Variants in CNTN2 observed in about 807,000 individuals in gnomAD.
CNTN2 encodes the protein contactin-2.
Under a neutral mutation model 117.5 loss-of-function variants are expected in CNTN2, and 53 were observed. That is an observed-to-expected ratio of 0.45 (90% CI 0.36 to 0.57). The LOEUF (loss-of-function observed/expected upper bound fraction) is 0.57, where lower values mean the gene tolerates loss of function less well. Ranked by LOEUF, CNTN2 falls within the 20% of genes least tolerant of loss-of-function variation. The probability of loss-of-function intolerance (pLI) is 0.00; values close to 1 mark genes in which losing one functional copy is unlikely to be tolerated. For missense variants in CNTN2, 1,106 were observed against 1,404.3 expected (o/e 0.79, Z 3.39); for synonymous variants, 530 against 561.7 (o/e 0.94, Z 0.80).
At chr1:205,063,322 A>T (rs1484378754) in intron 10 of CNTN2, 2 of 152,232 alleles carry the variant, frequency 1.3e-5, no homozygotes, top group Non-Finnish European at 2.9e-5. Context: ...CTAGCCATCA[A>T]ATATAGTATA....
chr1:205,073,289 A>G lies in CNTN2; in HGVS notation c.3013+53A>G. ...CTCGAGAGATTCAGGATCCACCCAG[A>G]TACCTGAGAGGATCATTCCCACCCA... On this transcript the variant is annotated intron_variant, in intron 22 of 22. Coordinates refer to ENST00000331830, the MANE Select transcript of CNTN2 (RefSeq NM_005076.5). The surrounding 1 kb of genome is among the most constrained non-coding windows in gnomAD (Gnocchi z 6.3). The G allele has an allele frequency of 1.3e-6, 2 of 1,583,764 alleles. No homozygotes were observed. The highest frequency in any genetic ancestry group is 1.1e-5 in the South Asian group (1 of 88,456).
rs368514157 is a variant in CNTN2 at position 205,065,227 on chromosome 1, G to C, written c.1660G>C (p.Asp554His). The C allele has an allele frequency of 4.6e-5, 74 of 1,614,006 alleles. No individual in the cohort carries two copies. The highest frequency in any genetic ancestry group is 6.1e-5 in the Non-Finnish European group (72 of 1,180,038). Residue 554 changes from aspartate (D) to histidine (H), a missense_variant, in exon 13 of 23, where the codon GAT (aspartate) becomes CAT (histidine). By Grantham distance (81) the Asp-to-His change is moderately conservative. Coordinates refer to ENST00000331830, the MANE Select transcript of CNTN2 (RefSeq NM_005076.5). This position sits in a 1 kb window ranked among gnomAD's most constrained non-coding sequence, Gnocchi z 4.1. Reference sequence around the variant, plus strand: ...CCTGGACGACTTCCCCATCGACTTTGATAAGCCTGGAGGGCACTACCGGAG... The same window carrying C: ...CCTGGACGACTTCCCCATCGACTTTCATAAGCCTGGAGGGCACTACCGGAG... Reference protein sequence around the residue: ...WTLDDFPIDFDKPGGHYRRTN... With the variant: ...WTLDDFPIDFHKPGGHYRRTN...
chr1:205,066,290 C>T lies in CNTN2; in HGVS notation c.1817-151C>T. On this transcript the variant is annotated intron_variant, in intron 14 of 22. Coordinates refer to ENST00000331830, the MANE Select transcript of CNTN2 (RefSeq NM_005076.5). ...GGCACCCGCCCCAACTGCCCACACCCCTTGCCCGCCCTCCCGCCTGGGTGT... is the reference window on the plus strand; with the variant it reads ...GGCACCCGCCCCAACTGCCCACACCTCTTGCCCGCCCTCCCGCCTGGGTGT... 3 of 897,228 alleles carry T rather than the reference C, an allele frequency of 3.3e-6. No homozygotes were observed. In the South Asian group the frequency reaches 5.2e-5, roughly 16 times the overall value. The allele number at this position is 897,228 out of a possible 1,614,324, so 55.6% of individuals were successfully genotyped here. A position where few individuals can be genotyped will look rare whatever the true frequency, so the allele number is the denominator to read the frequency against.
chr1:205,065,711 T>G lies in CNTN2; in HGVS notation c.1696-78T>G. On this transcript the variant is annotated intron_variant, in intron 13 of 22. Transcript: ENST00000331830. The surrounding 1 kb of genome is among the most constrained non-coding windows in gnomAD (Gnocchi z 4.1). ...CATGGAGTAGGGGACTCCCAAGCGC[T>G]GCCTCATGTCTCATGGCCTGCTGCA... is the stretch of plus-strand genomic sequence containing the variant. 1 of 557,926 alleles carries G rather than the reference T, an allele frequency of 1.8e-6. No homozygotes were observed. 34.6% of individuals were successfully genotyped at this position (557,926 alleles called of 1,614,324 possible).
In CNTN2 at chr1:205,058,909, C is replaced by T. The variant is rs1041289520; in HGVS notation, c.488-175C>T. 3.4e-5 allele frequency: 24 copies of T among 703,630 alleles called. No homozygotes were observed. Among genetic ancestry groups the T allele is most frequent in the Non-Finnish European group, 5.7e-5 (24 of 423,816 alleles). 43.6% of individuals were successfully genotyped at this position (703,630 alleles called of 1,614,324 possible). ...GCGATCCCTGGCAGACTTAGCGCTC[C>T]CTGAGGGCAGGAATAAAGTCACTTC... On this transcript the variant is annotated intron_variant, in intron 5 of 22. Coordinates refer to ENST00000331830, the MANE Select transcript of CNTN2 (RefSeq NM_005076.5). This position sits in a 1 kb window ranked among gnomAD's most constrained non-coding sequence, Gnocchi z 4.3.
Position 205,059,373 on chromosome 1 carries a change from G to C in CNTN2, c.697+80G>C. On this transcript the variant is annotated intron_variant, in intron 6 of 22. Transcript: ENST00000331830. The surrounding 1 kb of genome is among the most constrained non-coding windows in gnomAD (Gnocchi z 5.6). ...TTAGGAAAAGGGTTTTTCCTTTGGA[G>C]ATTGGAAGATCAGCTTGCAGGGCAC... 1 of 1,411,548 alleles carries C rather than the reference G, an allele frequency of 7.1e-7. No individual in the cohort carries two copies. The highest frequency in any genetic ancestry group is 9.8e-7 in the Non-Finnish European group (1 of 1,021,484). 87.4% of individuals were successfully genotyped at this position (1,411,548 alleles called of 1,614,324 possible).
chr1:205,066,269 C>T, intron 14 of CNTN2, 172 bp from the exon 15 acceptor site: 1 of 726,004 alleles, frequency 1.4e-6, no homozygotes, highest in Non-Finnish European at 2.2e-6. Context: ...ACAACTGGCA[C>T]CCGCCCCAAC....
In CNTN2 at chr1:205,064,489, A is replaced by G. The variant is rs771905758; in HGVS notation, c.1391+17A>G. ...CAGCAGCAGGTACCACCCACACCCC[A>G]CCCTGCACAGTTCCTGCTCCTCCTC... On this transcript the variant is annotated intron_variant, in intron 11 of 22. Coordinates refer to ENST00000331830, the MANE Select transcript of CNTN2 (RefSeq NM_005076.5). 5 of 1,598,214 alleles carry G rather than the reference A, an allele frequency of 3.1e-6. No individual in the cohort carries two copies. In the African/African-American group the frequency reaches 6.7e-5, roughly 21 times the overall value.
At position 205,076,062 on chromosome 1, in the gene CNTN2, G is replaced by A. The variant is rs1654849983; in HGVS notation, c.*2297G>A. 2 of 152,178 alleles carry A rather than the reference G, an allele frequency of 1.3e-5. No homozygotes were observed. The highest frequency in any genetic ancestry group is 4.8e-5 in the African/African-American group (2 of 41,428). The allele number at this position is 152,178 out of a possible 1,614,324, so 9.4% of individuals were successfully genotyped here. On this transcript the variant is annotated 3_prime_UTR_variant, in exon 23 of 23. Transcript: ENST00000331830. ...GCTAGAGGCTACAGCCACTAAACTT[G>A]CTTCAGGCCAACGATAGTTACTCAC...
chr1:205,074,838 G>C lies in CNTN2; in HGVS notation c.*1073G>C. 2.5e-6 allele frequency: 1 copy of C among 398,640 alleles called. No homozygotes were observed. The allele number at this position is 398,640 out of a possible 1,614,324, so 24.7% of individuals were successfully genotyped here. A position where few individuals can be genotyped will look rare whatever the true frequency, so the allele number is the denominator to read the frequency against. ...TCTGGGAAGGGCAGAGGATAAATGT[G>C]GCCCTGCCTGCTCCCAGGTATACCT... On this transcript the variant is annotated 3_prime_UTR_variant, in exon 23 of 23. Transcript: ENST00000331830.
At chr1:205,046,395 G>T (rs1463221044) in intron 1 of CNTN2, among the ~76,000 whole-genome samples, 1 of 152,150 alleles carries the variant, frequency 6.6e-6, no homozygotes, top group Non-Finnish European at 1.5e-5. Context: ...AGTCAAACCT[G>T]CTGGGCTTCC....
At position 205,059,922 on chromosome 1, in the gene CNTN2, A is replaced by G; in HGVS notation, c.797+240A>G. 1 of 533,414 alleles carries G rather than the reference A, an allele frequency of 1.9e-6. No individual in the cohort carries two copies. The highest frequency in any genetic ancestry group is 2.1e-5 in the South Asian group (1 of 46,830). The allele number at this position is 533,414 out of a possible 1,614,324, so 33.0% of individuals were successfully genotyped here. On this transcript the variant is annotated intron_variant, in intron 7 of 22. Coordinates refer to ENST00000331830, the MANE Select transcript of CNTN2 (RefSeq NM_005076.5). This position sits in a 1 kb window ranked among gnomAD's most constrained non-coding sequence, Gnocchi z 5.6. ...ACTTGGTCTTCCAGCAGTGCATGGCAGGCTCAGACAGCTTGAGTAACACCC... is the reference window on the plus strand; with the variant it reads ...ACTTGGTCTTCCAGCAGTGCATGGCGGGCTCAGACAGCTTGAGTAACACCC...
Position 205,059,814 on chromosome 1 carries a change from A to G in CNTN2, c.797+132A>G. On this transcript the variant is annotated intron_variant, in intron 7 of 22. Transcript: ENST00000331830. This position sits in a 1 kb window ranked among gnomAD's most constrained non-coding sequence, Gnocchi z 5.6. ...GGGTCTAGCAAAGTACTGGGCACAC[A>G]GTGGGTATCGACCACCACTCACTGG... 1.4e-6 allele frequency: 1 copy of G among 702,992 alleles called. No homozygotes were observed. The highest frequency in any genetic ancestry group is 2.5e-6 in the Non-Finnish European group (1 of 401,798). 43.5% of individuals were successfully genotyped at this position (702,992 alleles called of 1,614,324 possible).
At chr1:205,070,201 C>A in intron 18 of CNTN2, 140 bp downstream of exon 18, 1 of 847,882 alleles carries the variant, frequency 1.2e-6, no homozygotes, top group Non-Finnish European at 1.9e-6. Flanking sequence ...ACATCATTGG[C>A]CTCACTTCCA....
At chr1:205,049,281 G>A (rs3767285) in intron 1 of CNTN2, among the ~76,000 whole-genome samples, 6,929 of 120,874 alleles carry the variant, frequency 0.057, 491 homozygotes, top group South Asian at 0.18. Flanking sequence ...CCTCACACCC[G>A]ACACACACAC....
In CNTN2 at chr1:205,061,837, C is replaced by T; in HGVS notation, c.974-28C>T. ...AGCTGGAAGCTCCTCCTAGCTCATG[C>T]CAGGTTTTCTTTTCCGGGCTCCCAC... On this transcript the variant is annotated intron_variant, in intron 8 of 22. Coordinates refer to ENST00000331830, the MANE Select transcript of CNTN2 (RefSeq NM_005076.5). This position sits in a 1 kb window ranked among gnomAD's most constrained non-coding sequence, Gnocchi z 4.8. The T allele has an allele frequency of 6.7e-7, 1 of 1,503,152 alleles. No individual in the cohort carries two copies. 93.1% of individuals were successfully genotyped at this position (1,503,152 alleles called of 1,614,324 possible). A position where few individuals can be genotyped will look rare whatever the true frequency, so the allele number is the denominator to read the frequency against.
At chr1:205,070,224 T>G (rs1654521232) in intron 18 of CNTN2, 163 bp downstream of exon 18, 1 of 773,470 alleles carries the variant, frequency 1.3e-6, no homozygotes, top group African/African-American at 1.7e-5. Context: ...TCTTGCTACC[T>G]TGTCTCCCTT....
chr1:205,053,035 G>C, intron 1 of CNTN2, 65 bp from the exon 2 acceptor site: 1 of 497,030 alleles, frequency 2.0e-6, no homozygotes, highest in Non-Finnish European at 3.6e-6. Context: ...TACGGACCCA[G>C]ATGTGCCTGG....
Position 205,073,971 on chromosome 1 carries a change from G to T in CNTN2, c.*206G>T. ...CCCACGCAAGGATTTTCTTTAAATT[G>T]AGAGGCACCAGGCAGTAACTTCCAT... On this transcript the variant is annotated 3_prime_UTR_variant, in exon 23 of 23. Transcript: ENST00000331830. The surrounding 1 kb of genome is among the most constrained non-coding windows in gnomAD (Gnocchi z 6.3). The T allele has an allele frequency of 1.7e-6, 1 of 603,198 alleles. No individual in the cohort carries two copies. Among genetic ancestry groups the T allele is most frequent in the Non-Finnish European group, 3.0e-6 (1 of 338,864 alleles). The allele number at this position is 603,198 out of a possible 1,614,324, so 37.4% of individuals were successfully genotyped here. A position where few individuals can be genotyped will look rare whatever the true frequency, so the allele number is the denominator to read the frequency against.
Sources: gnomAD v4.1 joint callset for allele counts (sites outside exome capture counted in the v4.1 genomes callset) on GRCh38, gnomAD v4.1.1 for gene constraint, Gnocchi (gnomAD v3.1) non-coding constraint, MANE v1.5 for transcripts, NCBI Gene and HGNC (gene_info 2026-07-23, HGNC 2026-07-21) for gene names.